Variants in PIGK observed in about 807,000 individuals in gnomAD.
The protein encoded by PIGK is phosphatidylinositol glycan anchor biosynthesis class K.
Under a neutral mutation model 50.6 loss-of-function variants are expected in PIGK, and 42 were observed. The observed-to-expected ratio is 0.83, with a 90% CI of 0.65 to 1.07. The LOEUF is 1.07. Among genes scored for constraint, PIGK ranks in the 50% least tolerant of loss-of-function variants. The pLI is 0.00. For missense variants in PIGK, 448 were observed against 488.7 expected (o/e 0.92, Z 0.78); for synonymous variants, 151 against 156.0 (o/e 0.97, Z 0.24).
chr1:77,098,426 A>G (rs1280101042), intron 10 of PIGK, among the ~76,000 whole-genome samples: 1 of 151,884 alleles, frequency 6.6e-6, no homozygotes, highest in Non-Finnish European at 1.5e-5. Context: ...CAATCTCCCA[A>G]GTTCAAGTGA....
At chr1:77,215,355 A>C (rs1285854188) in intron 1 of PIGK, among the ~76,000 whole-genome samples, 1 of 152,202 alleles carries the variant, frequency 6.6e-6, no homozygotes, top group Non-Finnish European at 1.5e-5. Flanking sequence ...GGATATGCAA[A>C]CCAAAACCAC....
intron 6 of PIGK, 138 bp from the exon 7 acceptor site, chr1:77,161,849 C>G (rs1034944773): frequency 1.9e-5 from 12 of 631,048 alleles, no homozygotes; most frequent in Non-Finnish European, 3.5e-5. Context: ...GAATTCCCAA[C>G]AGAAATTTGA....
intron 3 of PIGK, among the ~76,000 whole-genome samples, chr1:77,198,379 G>A (rs1321738805): frequency 1.3e-5 from 2 of 151,926 alleles, no homozygotes; most frequent in African/African-American, 4.8e-5. Flanking sequence ...TGCACTATTA[G>A]TTTTGAGGTC....
Position 77,161,377 on chromosome 1 carries a change from T to C in PIGK, c.731A>G (p.His244Arg), listed in dbSNP as rs755197327. 2 of 1,600,460 alleles carry C rather than the reference T, an allele frequency of 1.2e-6. No homozygotes were observed. The highest frequency in any genetic ancestry group is 4.5e-5 in the East Asian group (2 of 44,740). The change falls in exon 8 of 11, where the codon CAT (histidine) becomes CGT (arginine). Residue 244 changes from histidine to arginine, a missense_variant. His to Arg is a conservative substitution (Grantham distance 29). Coordinates refer to ENST00000370812, the MANE Select transcript of PIGK (RefSeq NM_005482.3). ...SHQPDPAIGVHLMDRYTFYVL... is the reference protein window; with the variant it reads ...SHQPDPAIGVRLMDRYTFYVL... The stretch of plus-strand genomic sequence containing the variant: ...ATAAAATGTGTATCTATCCATAAGA[T>C]GGACTCCAATTGCAGGATCAGGTTG...
chr1:77,130,826 C>T (rs1445168212), intron 9 of PIGK, among the ~76,000 whole-genome samples: 1 of 152,152 alleles, frequency 6.6e-6, no homozygotes, highest in Non-Finnish European at 1.5e-5. Context: ...AGCACTTCCA[C>T]TTATGAGTTG....
chr1:77,172,070 A>ATTTTTTTTTT (rs34115617), intron 3 of PIGK, among the ~76,000 whole-genome samples: 1 of 130,938 alleles, frequency 7.6e-6, no homozygotes, highest in African/African-American at 2.9e-5. Context: ...TCTACATTTA[A>ATTTTTTTTTT]TTTTTTTTTT....
chr1:77,187,711 A>G (rs1453732195), intron 3 of PIGK, among the ~76,000 whole-genome samples: 3 of 152,208 alleles, frequency 2.0e-5, no homozygotes, highest in Non-Finnish European at 4.4e-5. Context: ...ATGGGAAACT[A>G]TAACAGCCCA....
intron 3 of PIGK, among the ~76,000 whole-genome samples, chr1:77,203,051 T>C (rs957667763): frequency 6.6e-6 from 1 of 152,190 alleles, no homozygotes; most frequent in Non-Finnish European, 1.5e-5. Flanking sequence ...GTATATTTTT[T>C]CATAAACATG....
At chr1:77,132,521 G>A (rs1462273863) in intron 9 of PIGK, among the ~76,000 whole-genome samples, 1 of 151,880 alleles carries the variant, frequency 6.6e-6, no homozygotes, top group Non-Finnish European at 1.5e-5. Flanking sequence ...TTGTCCTCCT[G>A]CCTTTGACCT....
chr1:77,182,809 A>G (rs374491227), intron 3 of PIGK, among the ~76,000 whole-genome samples: 1 of 152,182 alleles, frequency 6.6e-6, no homozygotes, highest in Non-Finnish European at 1.5e-5. Flanking sequence ...CAGTTATGCA[A>G]AATAAATTCA....
At chr1:77,155,076 T>C (rs918563182) in intron 8 of PIGK, among the ~76,000 whole-genome samples, 2 of 152,224 alleles carry the variant, frequency 1.3e-5, no homozygotes, top group Non-Finnish European at 2.9e-5. Flanking sequence ...AGCCCCAATA[T>C]GTAAAAAACA....
chr1:77,217,268 C>A (rs753499200), intron 1 of PIGK, among the ~76,000 whole-genome samples: 1 of 152,080 alleles, frequency 6.6e-6, no homozygotes, highest in Non-Finnish European at 1.5e-5. Flanking sequence ...AAGAGTACAA[C>A]AGAGGGACCT....
At chr1:77,134,096 A>G (rs550076694) in intron 9 of PIGK, among the ~76,000 whole-genome samples, 5 of 152,308 alleles carry the variant, frequency 3.3e-5, no homozygotes, top group Middle Eastern at 3.4e-3. Flanking sequence ...CTGTTTTCCA[A>G]TAAAACTTTA....
rs1196190063 is a variant in PIGK at position 77,219,351 on chromosome 1, A to G, written c.52T>C (p.Leu18=). The change falls in exon 1 of 11, where the codon TTG becomes CTG. Residue 18 remains leucine, a synonymous_variant. Coordinates refer to ENST00000370812, the MANE Select transcript of PIGK (RefSeq NM_005482.3). The part of the protein sequence containing the change: ...SRAATVLATV[L]LLSFGSVAAS... Reference sequence around the variant, plus strand: ...GCCACGCTGCCGAAGGACAAGAGCAACACAGTTGCCAAGACAGTCGCAGCC... The same window carrying G: ...GCCACGCTGCCGAAGGACAAGAGCAGCACAGTTGCCAAGACAGTCGCAGCC... 6.2e-7 allele frequency: 1 copy of G among 1,613,882 alleles called. No homozygotes were observed.
At position 77,122,379 on chromosome 1, in the gene PIGK, AAC is replaced by A; in HGVS notation, c.987-22_987-21del. On this transcript the variant is annotated intron_variant, in intron 9 of 10. Transcript: ENST00000370812. ...TTATAGCTGGAAAAGATAATTTAAA[AAC>A]ACAGAGCTAAGGCAAATACTATTTT... 4.4e-6 allele frequency: 6 copies of A among 1,358,608 alleles called. No homozygotes were observed. The highest frequency in any genetic ancestry group is 6.3e-6 in the Non-Finnish European group (6 of 949,390). The allele number at this position is 1,358,608 out of a possible 1,614,324, so 84.2% of individuals were successfully genotyped here.
At chr1:77,194,232 G>A (rs992103556) in intron 3 of PIGK, among the ~76,000 whole-genome samples, 1 of 152,172 alleles carries the variant, frequency 6.6e-6, no homozygotes, top group South Asian at 2.1e-4. Flanking sequence ...CTGCTGGTGG[G>A]AATATAAATT....
chr1:77,127,555 A>G (rs1054367605), intron 9 of PIGK, among the ~76,000 whole-genome samples: 1 of 152,196 alleles, frequency 6.6e-6, no homozygotes, highest in African/African-American at 2.4e-5. Context: ...ATAAAATTAC[A>G]TAGTTTATTT....
At position 77,210,473 on chromosome 1, in the gene PIGK, A is replaced by T. The variant is rs754121295; in HGVS notation, c.110T>A (p.Phe37Tyr). The T allele has an allele frequency of 6.3e-7, 1 of 1,592,656 alleles. No homozygotes were observed. Among genetic ancestry groups the T allele is most frequent in the East Asian group, 2.3e-5 (1 of 44,326 alleles). Reference sequence around the variant, plus strand: ...GTTGTTTGTATGGCCACTTCTAAAGAATTGTTCTGCTTGATCCTAAATAAA... The same window carrying T: ...GTTGTTTGTATGGCCACTTCTAAAGTATTGTTCTGCTTGATCCTAAATAAA... ...ASHIEDQAEQ[F>Y]FRSGHTNNWA... is the part of the protein sequence containing the mutation. The change falls in exon 2 of 11, where the codon TTC becomes TAC. Residue 37 changes from phenylalanine to tyrosine, a missense_variant. Physicochemically the swap from Phe to Tyr is conservative, Grantham distance 22. Transcript: ENST00000370812.
intron 9 of PIGK, among the ~76,000 whole-genome samples, chr1:77,148,466 C>T (rs1027463213): frequency 6.6e-6 from 1 of 152,136 alleles, no homozygotes; most frequent in African/African-American, 2.4e-5. Flanking sequence ...TTAAAAACAA[C>T]AATCTTCGGC....
Sources: gnomAD v4.1 joint callset for allele counts (sites outside exome capture counted in the v4.1 genomes callset) on GRCh38, gnomAD v4.1.1 for gene constraint, MANE v1.5 for transcripts, NCBI Gene and HGNC (gene_info 2026-07-23, HGNC 2026-07-21) for gene names.